Variants in YIPF4 observed in about 807,000 individuals in gnomAD.
YIPF4 encodes protein YIPF4.
In YIPF4, 18 loss-of-function variants were observed where a neutral mutation model predicts 29.4. That is an observed-to-expected ratio of 0.61 (90% confidence interval 0.42 to 0.91). The LOEUF (loss-of-function observed/expected upper bound fraction) is 0.91, where lower values mean the gene tolerates loss of function less well. Among genes scored for constraint, YIPF4 ranks in the 40% least tolerant of loss-of-function variants. The probability of loss-of-function intolerance (pLI) is 0.00; values close to 1 mark genes in which losing one functional copy is unlikely to be tolerated. For missense variants in YIPF4, 279 were observed against 282.7 expected (o/e 0.99, Z 0.09); for synonymous variants, 115 against 104.7 (o/e 1.10, Z -0.60).
rs149668512 is a variant in YIPF4, at chr2:32,310,421, G to C, written c.*4795G>C. 8 of 152,056 alleles carry C rather than the reference G, an allele frequency of 5.3e-5. No individual in the cohort carries two copies. Among genetic ancestry groups the C allele is most frequent in the African/African-American group, 1.9e-4 (8 of 41,388 alleles). The allele number at this position is 152,056 out of a possible 1,614,324, so 9.4% of individuals were successfully genotyped here. ...TGTGTACAGCTGTTCCTCTATATAC[G>C]AAGGGGATTGGTACCAGAACCACTG... On this transcript the variant is annotated 3_prime_UTR_variant, in exon 6 of 6. Transcript: ENST00000238831.
At chr2:32,279,452 C>T (rs1315219857) in intron 1 of YIPF4, among the ~76,000 whole-genome samples, 2 of 126,590 alleles carry the variant, frequency 1.6e-5, no homozygotes, top group Non-Finnish European at 3.1e-5. Flanking sequence ...GGCTGGAGTG[C>T]AGTGATGCCA....
intron 4 of YIPF4, among the ~76,000 whole-genome samples, chr2:32,300,615 C>G (rs928912588): frequency 7.2e-5 from 11 of 151,968 alleles, no homozygotes; most frequent in African/African-American, 2.7e-4. Context: ...CTAATAGACA[C>G]TTAAAGTATA....
At chr2:32,278,395 G>C (rs1419148821) in intron 1 of YIPF4, among the ~76,000 whole-genome samples, 161 bp downstream of exon 1, 1 of 152,204 alleles carries the variant, frequency 6.6e-6, no homozygotes, top group Non-Finnish European at 1.5e-5. Context: ...GAGAGGCCCC[G>C]AAGGACGGAG....
intron 1 of YIPF4, among the ~76,000 whole-genome samples, chr2:32,284,367 C>A (rs1270609509): frequency 6.6e-6 from 1 of 152,142 alleles, no homozygotes; most frequent in Non-Finnish European, 1.5e-5. Flanking sequence ...TGTGTCCCTG[C>A]CCAAATCTCA....
At chr2:32,280,076 A>C (rs2030324265) in intron 1 of YIPF4, among the ~76,000 whole-genome samples, 1 of 149,880 alleles carries the variant, frequency 6.7e-6, no homozygotes, top group South Asian at 2.1e-4. Flanking sequence ...ATTCTCTTCA[A>C]GTGGACCCAT....
At chr2:32,295,766 G>A (rs1021327482) in intron 3 of YIPF4, among the ~76,000 whole-genome samples, 2 of 151,918 alleles carry the variant, frequency 1.3e-5, no homozygotes, top group Admixed American at 6.6e-5. Context: ...ACCACCCCCA[G>A]CTAATTTTGT....
chr2:32,287,488 C>T (rs1246553460), intron 1 of YIPF4, among the ~76,000 whole-genome samples: 1 of 152,054 alleles, frequency 6.6e-6, no homozygotes, highest in African/African-American at 2.4e-5. Context: ...TGTCAAGTGC[C>T]ACAAAATGTT....
chr2:32,280,055 C>A (rs533483098), intron 1 of YIPF4, among the ~76,000 whole-genome samples: 21 of 151,146 alleles, frequency 1.4e-4, no homozygotes. Context: ...GCTGGTTTTT[C>A]TGGGTGGCTT....
intron 4 of YIPF4, 55 bp downstream of exon 4, chr2:32,298,366 G>C (rs1361923265): frequency 3.9e-6 from 5 of 1,276,316 alleles, no homozygotes; most frequent in Non-Finnish European, 5.6e-6. Flanking sequence ...CTTAGTTTTT[G>C]ATACTGCAGA....
At position 32,301,459 on chromosome 2, in the gene YIPF4, G is replaced by A; in HGVS notation, c.561G>A (p.Val187=). 1 of 1,613,316 alleles carries A rather than the reference G, an allele frequency of 6.2e-7. No individual in the cohort carries two copies. Residue 187 remains valine (V), a synonymous_variant, in exon 5 of 6, where the codon GTG becomes GTA. Transcript: ENST00000238831. ...TTGTAATAGCCCCTGTACTTTTGGT[G>A]GTTGGATCATTTGAAGTGGTGTCTA... ...PLIVIAPVLL[V]VGSFEVVSTL...
chr2:32,288,340 C>A (rs2030767836), intron 1 of YIPF4, among the ~76,000 whole-genome samples: 1 of 152,120 alleles, frequency 6.6e-6, no homozygotes, highest in South Asian at 2.1e-4. Flanking sequence ...GCACAACATT[C>A]CTTAGCACTA....
Position 32,290,687 on chromosome 2 carries a change from G to A in YIPF4, c.233+51G>A, listed in dbSNP as rs1384812313. The stretch of plus-strand genomic sequence containing the variant: ...TTTTGTTTTTTGAGCTAGTCTGTGG[G>A]ATGATTATATTCTTCTTGTTATTTA... On this transcript the variant is annotated intron_variant, in intron 2 of 5. Coordinates refer to ENST00000238831, the MANE Select transcript of YIPF4 (RefSeq NM_032312.4). 1.1e-5 allele frequency: 14 copies of A among 1,227,226 alleles called. 1 individual carries two copies. Among genetic ancestry groups the A allele is most frequent in the Middle Eastern group, 2.7e-4 (1 of 3,654 alleles). 76.0% of individuals were successfully genotyped at this position (1,227,226 alleles called of 1,614,324 possible).
In YIPF4 at chr2:32,307,950, A is replaced by C. The variant is rs1054755116; in HGVS notation, c.*2324A>C. 3.3e-5 allele frequency: 5 copies of C among 151,512 alleles called. No individual in the cohort carries two copies. The highest frequency in any genetic ancestry group is 9.7e-5 in the African/African-American group (4 of 41,220). The allele number at this position is 151,512 out of a possible 1,614,324, so 9.4% of individuals were successfully genotyped here. On this transcript the variant is annotated 3_prime_UTR_variant, in exon 6 of 6. Transcript: ENST00000238831. ...TCTCAAAAAAAAAAAAAAAAAAAAAAAAAACCATGATTTGTAGATGTGTGC... is the reference window on the plus strand; with the variant it reads ...TCTCAAAAAAAAAAAAAAAAAAAAACAAAACCATGATTTGTAGATGTGTGC...
At chr2:32,285,957 G>C (rs2030652471) in intron 1 of YIPF4, among the ~76,000 whole-genome samples, 1 of 152,138 alleles carries the variant, frequency 6.6e-6, no homozygotes, top group Non-Finnish European at 1.5e-5. Flanking sequence ...CAATATGCTG[G>C]TGAAGTATGA....
At chr2:32,281,160 A>G (rs2030390423) in intron 1 of YIPF4, among the ~76,000 whole-genome samples, 1 of 152,158 alleles carries the variant, frequency 6.6e-6, no homozygotes, top group South Asian at 2.1e-4. Flanking sequence ...AGCTATATGT[A>G]TATGCATAAT....
intron 5 of YIPF4, among the ~76,000 whole-genome samples, chr2:32,303,616 G>T (rs1461114454): frequency 6.6e-6 from 1 of 152,188 alleles, no homozygotes; most frequent in Non-Finnish European, 1.5e-5. Context: ...AGCCCAAGAG[G>T]TTGAGGCTGC....
chr2:32,298,199 A>G, intron 3 of YIPF4, 35 bp from the exon 4 acceptor site: 1 of 1,467,930 alleles, frequency 6.8e-7, no homozygotes, highest in East Asian at 2.3e-5. Flanking sequence ...CTTATTTGGT[A>G]TAAAAATATT....
rs764341086 is a variant in YIPF4 at position 32,278,179 on chromosome 2, G to A, written c.24G>A (p.Pro8=). 67 of 1,571,040 alleles carry A rather than the reference G, an allele frequency of 4.3e-5. No individual in the cohort carries two copies. Among genetic ancestry groups the A allele is most frequent in the Admixed American group, 5.5e-5 (3 of 54,578 alleles). The stretch of plus-strand genomic sequence containing the variant: ...AGATGCAGCCTCCGGGCCCGCCCCC[G>A]GCCTATGCCCCCACTAACGGGGACT... MQPPGPP[P]AYAPTNGDFT... Residue 8 remains proline, a synonymous_variant, in exon 1 of 6, where the codon CCG becomes CCA. Coordinates refer to ENST00000238831, the MANE Select transcript of YIPF4 (RefSeq NM_032312.4).
intron 2 of YIPF4, among the ~76,000 whole-genome samples, chr2:32,291,654 C>T (rs910014613): frequency 6.6e-6 from 1 of 152,122 alleles, no homozygotes; most frequent in African/African-American, 2.4e-5. Flanking sequence ...CGGCATAAAG[C>T]TGGGACATCA....
Sources: gnomAD v4.1 joint callset for allele counts (sites outside exome capture counted in the v4.1 genomes callset) on GRCh38, gnomAD v4.1.1 for gene constraint, MANE v1.5 for transcripts, NCBI Gene and HGNC (gene_info 2026-07-23, HGNC 2026-07-21) for gene names.